Variants in ZNF578 observed in about 807,000 individuals in gnomAD.
ZNF578 encodes zinc finger protein 578.
A neutral mutation model predicts 8.3 loss-of-function variants in ZNF578; 8 were observed. That is an observed-to-expected ratio of 0.96 (90% CI 0.56 to 1.74). The LOEUF is 1.74. Among genes scored for constraint, ZNF578 ranks in the 40% most tolerant of loss-of-function variants. The pLI is 0.00. For synonymous variants in ZNF578, 206 were observed against 232.2 expected, an observed-to-expected ratio of 0.89 and a Z score of 1.03; for missense variants, 726 against 707.5, an observed-to-expected ratio of 1.03 and a Z score of -0.30.
At chr19:52,474,354 C>G (rs2059301481) in intron 2 of ZNF578, 2 of 288,176 alleles carry the variant, frequency 6.9e-6, no homozygotes, top group South Asian at 7.0e-5. Context: ...ATCCAATGTT[C>G]TATAAAGTGT....
intron 5 of ZNF578, among the ~76,000 whole-genome samples, chr19:52,510,101 A>G (rs2122983963): frequency 6.6e-6 from 1 of 151,922 alleles, no homozygotes; most frequent in South Asian, 2.1e-4. Context: ...GATAATACAG[A>G]ATTTCCATTG....
In ZNF578 at chr19:52,467,606, G is replaced by A. The variant is rs547332771; in HGVS notation, c.-122+10648G>A. 5.4e-4 allele frequency among the ~76,000 whole-genome samples: 82 copies of A among 151,454 alleles called. 1 individual carries two copies. The highest frequency in any genetic ancestry group is 1.9e-3 in the African/African-American group (80 of 41,276). ...TTCCAGCCTGTGGGAAACAGAGTGAGACCCCAGCTCTTAAAAAAGAAAAAA... is the reference window on the plus strand; with the variant it reads ...TTCCAGCCTGTGGGAAACAGAGTGAAACCCCAGCTCTTAAAAAAGAAAAAA... On this transcript the variant is annotated intron_variant, in intron 2 of 5. Coordinates refer to ENST00000421239, the MANE Select transcript of ZNF578 (RefSeq NM_001099694.2).
intron 2 of ZNF578, among the ~76,000 whole-genome samples, chr19:52,485,107 C>T (rs1448152303): frequency 6.6e-6 from 1 of 151,926 alleles, no homozygotes; most frequent in African/African-American, 2.4e-5. Flanking sequence ...TTGACTTTTC[C>T]CTTTTGTGTA....
chr19:52,473,730 T>G, intron 2 of ZNF578: 1 of 270,906 alleles, frequency 3.7e-6, no homozygotes, highest in Non-Finnish European at 7.0e-6. Flanking sequence ...TCCTTACATG[T>G]ATAAGGTTTC....
chr19:52,469,387 C>T (rs975648960), intron 2 of ZNF578, among the ~76,000 whole-genome samples: 24 of 152,006 alleles, frequency 1.6e-4, no homozygotes, highest in African/African-American at 5.6e-4. Context: ...CTCGAACTCC[C>T]GAGCTCAAGT....
At chr19:52,486,913 C>T (rs766287406) in intron 2 of ZNF578, among the ~76,000 whole-genome samples, 17 of 151,048 alleles carry the variant, frequency 1.1e-4, no homozygotes, top group African/African-American at 2.9e-4. Context: ...AAGGGATAAA[C>T]GGCAGAAGAG....
At chr19:52,487,231 A>C (rs2059348863) in intron 2 of ZNF578, among the ~76,000 whole-genome samples, 1 of 152,116 alleles carries the variant, frequency 6.6e-6, no homozygotes, top group Non-Finnish European at 1.5e-5. Flanking sequence ...CTGGTGGCCA[A>C]GCTGGGAGGA....
At chr19:52,478,769 A>G (rs1175578051) in intron 2 of ZNF578, among the ~76,000 whole-genome samples, 2 of 151,964 alleles carry the variant, frequency 1.3e-5, no homozygotes, top group African/African-American at 4.8e-5. Flanking sequence ...GCTGGAGTGC[A>G]GTGGCATGAT....
rs987893904 is a variant in ZNF578 at position 52,516,637 on chromosome 19, A to G, written c.*4483A>G. On this transcript the variant is annotated 3_prime_UTR_variant, in exon 6 of 6. Transcript: ENST00000421239. ...CACCATTGTGATTTATTTCTGCACCATCTTGACTGATCAATGTGCTTTGTA... is the reference window on the plus strand; with the variant it reads ...CACCATTGTGATTTATTTCTGCACCGTCTTGACTGATCAATGTGCTTTGTA... Among the ~76,000 whole-genome samples, 1 of 152,214 alleles carries G rather than the reference A, an allele frequency of 6.6e-6. No homozygotes were observed. The highest frequency in any genetic ancestry group is 1.5e-5 in the Non-Finnish European group (1 of 68,038).
At chr19:52,475,391 G>A (rs372274923) in intron 2 of ZNF578, among the ~76,000 whole-genome samples, 18 of 141,660 alleles carry the variant, frequency 1.3e-4, no homozygotes, top group South Asian at 8.7e-4. Context: ...TTTCTCTGTC[G>A]CCCAGGCTGG....
intron 3 of ZNF578, among the ~76,000 whole-genome samples, chr19:52,498,177 G>A (rs1355226208): frequency 6.6e-6 from 1 of 152,116 alleles, no homozygotes; most frequent in Non-Finnish European, 1.5e-5. Flanking sequence ...TTTTCTTTGA[G>A]ATGGAGTCTC....
chr19:52,482,636 GA>G (rs1052287253), intron 2 of ZNF578, among the ~76,000 whole-genome samples: 4 of 150,370 alleles, frequency 2.7e-5, no homozygotes, highest in African/African-American at 7.3e-5. Context: ...AGACTGCATT[GA>G]AAAAAAAATT....
At chr19:52,506,932 C>G (rs115697673) in intron 5 of ZNF578, among the ~76,000 whole-genome samples, 1 of 152,210 alleles carries the variant, frequency 6.6e-6, no homozygotes, top group African/African-American at 2.4e-5. Context: ...CTTTTCCTAT[C>G]TCACTCATTT....
At chr19:52,501,577 A>G (rs547656181) in intron 3 of ZNF578, among the ~76,000 whole-genome samples, 39 of 152,246 alleles carry the variant, frequency 2.6e-4, no homozygotes, top group Admixed American at 5.9e-4. Context: ...AGATCAGTCC[A>G]GCCCAGCTCC....
intron 2 of ZNF578, among the ~76,000 whole-genome samples, chr19:52,482,509 ACGC>A (rs1007780181): frequency 6.6e-6 from 1 of 151,968 alleles, no homozygotes; most frequent in Admixed American, 6.6e-5. Context: ...GTGGTGGCAG[ACGC>A]CTGTAATCCC....
At chr19:52,488,196 C>A (rs2059352334) in intron 2 of ZNF578, among the ~76,000 whole-genome samples, 1 of 152,082 alleles carries the variant, frequency 6.6e-6, no homozygotes, top group South Asian at 2.1e-4. Context: ...AAGTGATCCG[C>A]TGCCTGGGCC....
chr19:52,472,154 G>A (rs2059293889), intron 2 of ZNF578, among the ~76,000 whole-genome samples: 1 of 152,186 alleles, frequency 6.6e-6, no homozygotes. Context: ...ACTTTGGGAG[G>A]CTAAGGCGGG....
At chr19:52,460,070 A>G (rs1324928288) in intron 2 of ZNF578, among the ~76,000 whole-genome samples, 2 of 151,452 alleles carry the variant, frequency 1.3e-5, no homozygotes, top group Non-Finnish European at 1.5e-5. Flanking sequence ...GGCCAGATGT[A>G]TATTTTCAAA....
intron 5 of ZNF578, among the ~76,000 whole-genome samples, chr19:52,509,686 C>A (rs2059437573): frequency 6.6e-6 from 1 of 152,172 alleles, no homozygotes; most frequent in African/African-American, 2.4e-5. Context: ...AGAATCACTT[C>A]AACCCAGCAG....
Sources: allele counts gnomAD v4.1 joint callset (sites outside exome capture counted in the v4.1 genomes callset), GRCh38; gene constraint gnomAD v4.1.1; transcripts MANE v1.5; gene names NCBI Gene and HGNC (gene_info 2026-07-23, HGNC 2026-07-21).